CACNB2: variants seen among roughly 807,000 people sequenced by gnomAD.
The protein encoded by CACNB2 is voltage-dependent L-type calcium channel subunit beta-2.
CACNB2 carries 42 observed loss-of-function variants against 73.3 expected under a neutral mutation model. The observed-to-expected ratio is 0.57, with a 90% CI of 0.45 to 0.74. The LOEUF (loss-of-function observed/expected upper bound fraction) is 0.74, where lower values mean the gene tolerates loss of function less well. CACNB2 is among the 30% of genes least tolerant of loss of function. The pLI is 0.00. For missense variants in CACNB2, 940 were observed against 853.0 expected (o/e 1.10, Z -1.27); for synonymous variants, 348 against 310.3 (o/e 1.12, Z -1.28).
chr10:18,363,192 GC>G (rs2042212085), intron 2 of CACNB2, among the ~76,000 whole-genome samples: 1 of 152,208 alleles, frequency 6.6e-6, no homozygotes, highest in South Asian at 2.1e-4. Flanking sequence ...TGACATCCCA[GC>G]CCCTTGTGTT....
At chr10:18,510,175 A>G (rs1348768604) in intron 6 of CACNB2, among the ~76,000 whole-genome samples, 1 of 152,240 alleles carries the variant, frequency 6.6e-6, no homozygotes, top group East Asian at 1.9e-4. Flanking sequence ...TACATTATAG[A>G]AAGTTCTCAA....
intron 9 of CACNB2, among the ~76,000 whole-genome samples, chr10:18,524,656 A>T (rs1318474158): frequency 3.5e-3 from 98 of 27,976 alleles, no homozygotes; most frequent in African/African-American, 0.015. Flanking sequence ...CTCTATCTTA[A>T]AAAAAAAAAA....
intron 2 of CACNB2, among the ~76,000 whole-genome samples, chr10:18,328,250 C>T (rs77970529): frequency 0.076 from 11,575 of 152,240 alleles, 613 homozygotes; most frequent in Non-Finnish European, 0.11. Context: ...ACATTAGAAT[C>T]ATCTGGGGAA....
rs144861278 is a variant in CACNB2 at position 18,516,980 on chromosome 10, T to C, written c.805-1356T>C. ...CTGTGACTACGGGTAAAATCTCAGATGGAAGCTTTTGAATTTGAAATGCTT... is the reference window on the plus strand; with the variant it reads ...CTGTGACTACGGGTAAAATCTCAGACGGAAGCTTTTGAATTTGAAATGCTT... On this transcript the variant is annotated intron_variant, in intron 7 of 13. Transcript: ENST00000324631. Among the ~76,000 whole-genome samples the C allele has an allele frequency of 8.0e-3, 1,215 of 152,294 alleles. 24 individuals are homozygous for C. The highest frequency in any genetic ancestry group is 0.027 in the African/African-American group (1,127 of 41,554).
chr10:18,238,288 G>A (rs1327685890), intron 2 of CACNB2: 1 of 152,110 alleles, frequency 6.6e-6, no homozygotes, highest in African/African-American at 2.4e-5. Flanking sequence ...GTTCTAGCCT[G>A]GTCCTCTCTT....
At chr10:18,368,553 A>G (rs2042448085) in intron 2 of CACNB2, among the ~76,000 whole-genome samples, 1 of 152,208 alleles carries the variant, frequency 6.6e-6, no homozygotes, top group Admixed American at 6.5e-5. Context: ...GCTACCAAAA[A>G]GGAAAAAAGT....
intron 2 of CACNB2, among the ~76,000 whole-genome samples, chr10:18,367,608 G>A (rs1012942463): frequency 2.4e-4 from 37 of 152,184 alleles, no homozygotes; most frequent in African/African-American, 8.4e-4. Context: ...TAAATTAAGA[G>A]TATATAACTA....
intron 3 of CACNB2, among the ~76,000 whole-genome samples, chr10:18,422,619 T>C (rs2132731884): frequency 6.6e-6 from 1 of 152,266 alleles, no homozygotes; most frequent in South Asian, 2.1e-4. Flanking sequence ...TCACAGCATA[T>C]TGGGTTATTT....
intron 9 of CACNB2, among the ~76,000 whole-genome samples, chr10:18,522,383 A>C (rs2051985246): frequency 6.6e-6 from 1 of 152,156 alleles, no homozygotes. Flanking sequence ...TCTTTAATGA[A>C]ACTGGTCCCT....
intron 10 of CACNB2, 102 bp from the exon 11 acceptor site, chr10:18,533,974 C>T: frequency 9.1e-7 from 1 of 1,096,812 alleles, no homozygotes; most frequent in Non-Finnish European, 1.4e-6. Flanking sequence ...TAAGCATTAA[C>T]ATAATGGCTG....
intron 3 of CACNB2, among the ~76,000 whole-genome samples, chr10:18,490,194 T>C (rs1196284328): frequency 6.6e-6 from 1 of 152,176 alleles, no homozygotes; most frequent in Non-Finnish European, 1.5e-5. Flanking sequence ...TTTACATTAT[T>C]GTCTAGATAA....
At chr10:18,478,832 G>A (rs184500531) in intron 3 of CACNB2, among the ~76,000 whole-genome samples, 10 of 152,182 alleles carry the variant, frequency 6.6e-5, no homozygotes, top group African/African-American at 2.4e-4. Context: ...ACAGGGAGGG[G>A]AAGCAGAAAC....
intron 3 of CACNB2, among the ~76,000 whole-genome samples, chr10:18,421,863 G>C (rs1205176457): frequency 6.6e-6 from 1 of 152,102 alleles, no homozygotes; most frequent in African/African-American, 2.4e-5. Context: ...TGGAACGTTG[G>C]GGTGTATTCC....
intron 1 of CACNB2, among the ~76,000 whole-genome samples, chr10:18,149,830 A>G (rs1410578091): frequency 1.3e-5 from 2 of 152,184 alleles, no homozygotes; most frequent in Non-Finnish European, 2.9e-5. Context: ...ATCACTTTTT[A>G]TGTATTACTT....
chr10:18,479,687 GTCTC>G lies in CACNB2; in HGVS notation c.334-18659_334-18656del, dbSNP rs547148363. ...GATCTGATGGTTTAAAAGTGCGTGT[GTCTC>G]TCTCTCTCGCTCGCTCGCTCTCTCG... On this transcript the variant is annotated intron_variant, in intron 3 of 13. Transcript: ENST00000324631. 7.2e-3 allele frequency among the ~76,000 whole-genome samples: 861 copies of G among 119,016 alleles called. 1 individual carries two copies. The highest frequency in any genetic ancestry group is 0.012 in the Non-Finnish European group (662 of 54,256). The allele number at this position is 119,016 out of a possible 152,430, so 78.1% of individuals were successfully genotyped here.
chr10:18,529,174 C>T (rs1325228537), intron 10 of CACNB2, among the ~76,000 whole-genome samples: 3 of 152,166 alleles, frequency 2.0e-5, no homozygotes, highest in Non-Finnish European at 2.9e-5. Flanking sequence ...ACTGAATTAA[C>T]AAAGTCAAGT....
chr10:18,391,652 C>T (rs1050343830), intron 2 of CACNB2, among the ~76,000 whole-genome samples: 6 of 152,140 alleles, frequency 3.9e-5, no homozygotes, highest in Admixed American at 3.3e-4. Context: ...ATAGGCTGGG[C>T]GTGGTGGCTC....
At chr10:18,424,436 A>C (rs57943985) in intron 3 of CACNB2, among the ~76,000 whole-genome samples, 1,547 of 152,278 alleles carry the variant, frequency 0.01, 27 homozygotes, top group African/African-American at 0.035. Context: ...AAGGTGTGGT[A>C]ACGCCTGGGT....
At chr10:18,160,019 C>A (rs908892784) in intron 2 of CACNB2, among the ~76,000 whole-genome samples, 9 of 151,832 alleles carry the variant, frequency 5.9e-5, no homozygotes, top group African/African-American at 2.2e-4. Context: ...TAAAGAAGTC[C>A]CTTGTTTTTT....
Sources: gnomAD v4.1 joint callset for allele counts (sites outside exome capture counted in the v4.1 genomes callset) on GRCh38, gnomAD v4.1.1 for gene constraint, MANE v1.5 for transcripts, NCBI Gene and HGNC (gene_info 2026-07-23, HGNC 2026-07-21) for gene names.